Variants in RUFY2 observed in about 807,000 individuals in gnomAD.
RUFY2 encodes the protein RUN and FYVE domain containing 2, also known as RUN and FYVE domain-containing protein 2.
In RUFY2, 49 loss-of-function variants were observed where a neutral mutation model predicts 94.4. The ratio of observed to expected loss-of-function variants is 0.52; its 90% CI spans 0.41 to 0.66. RUFY2 has a LOEUF of 0.66. Among genes scored for constraint, RUFY2 ranks in the 30% least tolerant of loss-of-function variants. The probability of loss-of-function intolerance (pLI) is 0.00; values close to 1 mark genes in which losing one functional copy is unlikely to be tolerated. For missense variants in RUFY2, 541 were observed against 692.8 expected (o/e 0.78, Z 2.46); for synonymous variants, 255 against 235.7 (o/e 1.08, Z -0.75).
chr10:68,392,984 C>T (rs2050120498), intron 7 of RUFY2, among the ~76,000 whole-genome samples, 154 bp downstream of exon 7: 1 of 151,492 alleles, frequency 6.6e-6, no homozygotes, highest in Non-Finnish European at 1.5e-5. Context: ...GAATTATCTC[C>T]AATAATTCTC....
chr10:68,345,721 A>G lies in RUFY2; in HGVS notation c.*47T>C. ...GGTTACCTTTGTATACAACATCATA[A>G]CATTCATTGTAGGTAATTTCATACA... is the stretch of plus-strand genomic sequence containing the variant. On this transcript the variant is annotated 3_prime_UTR_variant, in exon 18 of 18. Transcript: ENST00000602465. The G allele has an allele frequency of 6.4e-7, 1 of 1,558,782 alleles. No individual in the cohort carries two copies. Among genetic ancestry groups the G allele is most frequent in the Non-Finnish European group, 8.8e-7 (1 of 1,138,394 alleles).
chr10:68,396,716 CT>C, intron 4 of RUFY2, 63 bp downstream of exon 4: 8 of 1,058,876 alleles, frequency 7.6e-6, no homozygotes, highest in Non-Finnish European at 1.1e-5. Context: ...ATCTTAAATC[CT>C]TTTTGGAAGA....
chr10:68,346,741 G>A (rs1293255966), intron 16 of RUFY2: 3 of 152,172 alleles, frequency 2.0e-5, no homozygotes, highest in Non-Finnish European at 4.4e-5. Flanking sequence ...CATGGAGAAT[G>A]GGGTATCCTA....
chr10:68,376,442 G>GTATATATATATATA (rs764172830), intron 13 of RUFY2, among the ~76,000 whole-genome samples: 2 of 27,930 alleles, frequency 7.2e-5, no homozygotes, highest in Non-Finnish European at 2.0e-4. Context: ...AAAAATGTGT[G>GTATATATATATATA]TATATATATA....
chr10:68,398,947 G>A (rs1002316807), intron 3 of RUFY2, among the ~76,000 whole-genome samples: 2 of 151,758 alleles, frequency 1.3e-5, no homozygotes, highest in South Asian at 2.1e-4. Flanking sequence ...GTTTTTGAGA[G>A]TTGAAATTCT....
chr10:68,370,451 T>TC (rs1332306767), intron 13 of RUFY2, among the ~76,000 whole-genome samples: 25 of 142,754 alleles, frequency 1.8e-4, no homozygotes, highest in African/African-American at 7.0e-4. Context: ...CTTTTTTCTT[T>TC]TTTTTTTTTT....
chr10:68,395,292 C>A (rs565856878), intron 4 of RUFY2, among the ~76,000 whole-genome samples: 35 of 151,472 alleles, frequency 2.3e-4, no homozygotes, highest in Admixed American at 3.3e-4. Flanking sequence ...GAGCCAAGAT[C>A]GCACCACTGC....
chr10:68,402,586 T>C (rs2050931281), intron 2 of RUFY2, among the ~76,000 whole-genome samples: 1 of 152,128 alleles, frequency 6.6e-6, no homozygotes, highest in Non-Finnish European at 1.5e-5. Context: ...AAAATTTAAC[T>C]ATTTTGGCCA....
At chr10:68,353,408 G>GA (rs1453050062) in intron 16 of RUFY2, among the ~76,000 whole-genome samples, 2 of 150,460 alleles carry the variant, frequency 1.3e-5, no homozygotes, top group Non-Finnish European at 3.0e-5. Flanking sequence ...TGAGGCAGGA[G>GA]AATCACTGAA....
intron 3 of RUFY2, among the ~76,000 whole-genome samples, chr10:68,398,252 A>C (rs2050551331): frequency 6.6e-6 from 1 of 152,178 alleles, no homozygotes; most frequent in South Asian, 2.1e-4. Flanking sequence ...CTAGTAATTA[A>C]AGAGAAATCA....
chr10:68,358,247 TATTA>T (rs1293861614), intron 15 of RUFY2, among the ~76,000 whole-genome samples: 2 of 152,254 alleles, frequency 1.3e-5, no homozygotes, highest in East Asian at 3.9e-4. Context: ...AAAACATTAG[TATTA>T]ATTCTCTTAC....
intron 13 of RUFY2, among the ~76,000 whole-genome samples, chr10:68,365,720 A>T (rs1318900051): frequency 1.3e-5 from 2 of 152,182 alleles, no homozygotes. Context: ...TGCAGTAGAA[A>T]CTTAACTCTT....
chr10:68,361,238 C>T (rs2047446164), intron 15 of RUFY2, among the ~76,000 whole-genome samples: 1 of 152,056 alleles, frequency 6.6e-6, no homozygotes, highest in African/African-American at 2.4e-5. Context: ...GAGATAGCAC[C>T]ACTGCACTCC....
At position 68,343,819 on chromosome 10, in the gene RUFY2, A is replaced by T. The variant is rs2046117918; in HGVS notation, c.*1949T>A. 1 of 120,464 alleles carries T rather than the reference A, an allele frequency of 8.3e-6. No homozygotes were observed. The allele number at this position is 120,464 out of a possible 1,614,324, so 7.5% of individuals were successfully genotyped here. ...TCATAAAAGCTGCCTAAAAAAAAAAAAAAAAAAAAAAAAAGCAAGTCAGTC... is the reference window on the plus strand; with the variant it reads ...TCATAAAAGCTGCCTAAAAAAAAAATAAAAAAAAAAAAAAGCAAGTCAGTC... On this transcript the variant is annotated 3_prime_UTR_variant, in exon 18 of 18. Coordinates refer to ENST00000602465, the MANE Select transcript of RUFY2 (RefSeq NM_001330103.2).
rs767493455 is a variant in RUFY2, at chr10:68,381,377, A to C, written c.962T>G (p.Val321Gly). ...AATCTCATGCTTCATACTAACTTGT[A>C]CTGCTAGCTCATTCTCTACATCCTG... ...LRQDVENELA[V>G]QVSMKHEIEL... Residue 321 changes from valine to glycine, a missense_variant, in exon 11 of 18, where the codon GTA becomes GGA. By Grantham distance (109) the Val-to-Gly change is moderately radical. Transcript: ENST00000602465. 4 of 1,613,088 alleles carry C rather than the reference A, an allele frequency of 2.5e-6. No individual in the cohort carries two copies. In the South Asian group the frequency reaches 4.4e-5, roughly 18 times the overall value.
intron 13 of RUFY2, among the ~76,000 whole-genome samples, chr10:68,376,440 GTGTATATATATA>G (rs71009051): frequency 0.023 from 1,111 of 48,250 alleles, 30 homozygotes; most frequent in Non-Finnish European, 0.04. Flanking sequence ...AAAAAAATGT[GTGTATATATATA>G]TATATATATA....
chr10:68,351,130 T>C (rs2046638299), intron 16 of RUFY2, among the ~76,000 whole-genome samples: 1 of 130,628 alleles, frequency 7.7e-6, no homozygotes, highest in Non-Finnish European at 1.6e-5. Context: ...ACATTTTTTT[T>C]TTTTTTTTTT....
intron 13 of RUFY2, among the ~76,000 whole-genome samples, chr10:68,364,947 T>C (rs769756840): frequency 1.3e-5 from 2 of 152,042 alleles, no homozygotes; most frequent in African/African-American, 4.8e-5. Flanking sequence ...ACAAATCACT[T>C]CCATGATTAT....
intron 4 of RUFY2, among the ~76,000 whole-genome samples, chr10:68,395,033 G>A (rs1418894552): frequency 6.6e-6 from 1 of 151,944 alleles, no homozygotes; most frequent in Non-Finnish European, 1.5e-5. Context: ...AGAGGAGCAA[G>A]GAGGGATGAA....
Sources: allele counts gnomAD v4.1 joint callset (sites outside exome capture counted in the v4.1 genomes callset), GRCh38; gene constraint gnomAD v4.1.1; transcripts MANE v1.5; gene names NCBI Gene and HGNC (gene_info 2026-07-23, HGNC 2026-07-21).